Variants in PTPRK observed in about 807,000 individuals in gnomAD.
PTPRK encodes the protein protein tyrosine phosphatase receptor type K, also known as receptor-type tyrosine-protein phosphatase kappa.
Under a neutral mutation model 178.0 loss-of-function variants are expected in PTPRK, and 75 were observed. The ratio of observed to expected loss-of-function variants is 0.42; its 90% CI spans 0.35 to 0.51. PTPRK has a LOEUF of 0.51. Among genes scored for constraint, PTPRK ranks in the 20% least tolerant of loss-of-function variants. The pLI, the probability that PTPRK is intolerant of heterozygous loss-of-function variation, is 0.02. For missense variants in PTPRK, 1,441 were observed against 1,797.8 expected (o/e 0.80, Z 3.59); for synonymous variants, 637 against 620.6 (o/e 1.03, Z -0.39).
At chr6:128,419,385 G>A (rs1843198512) in intron 1 of PTPRK, among the ~76,000 whole-genome samples, 1 of 152,160 alleles carries the variant, frequency 6.6e-6, no homozygotes, top group African/African-American at 2.4e-5. Context: ...CACCAAGGCG[G>A]GCGGATCACG....
At chr6:128,441,953 C>T (rs1846340610) in intron 1 of PTPRK, among the ~76,000 whole-genome samples, 1 of 152,128 alleles carries the variant, frequency 6.6e-6, no homozygotes, top group Non-Finnish European at 1.5e-5. Context: ...ATGTAAATAA[C>T]AATCAAAACT....
intron 13 of PTPRK, among the ~76,000 whole-genome samples, chr6:128,037,214 G>A (rs2114820887): frequency 6.6e-6 from 1 of 152,252 alleles, no homozygotes; most frequent in African/African-American, 2.4e-5. Context: ...AGAAACAAGA[G>A]ACATTATATA....
At chr6:128,213,392 T>A (rs879914630) in intron 6 of PTPRK, among the ~76,000 whole-genome samples, 4 of 152,112 alleles carry the variant, frequency 2.6e-5, no homozygotes, top group African/African-American at 9.6e-5. Flanking sequence ...ATCCACTGGC[T>A]GCATGGGCTT....
chr6:128,053,263 A>T (rs1424615789), intron 13 of PTPRK, among the ~76,000 whole-genome samples: 1 of 151,624 alleles, frequency 6.6e-6, no homozygotes, highest in East Asian at 1.9e-4. Context: ...AATCTCTGCC[A>T]TCTCTGCTGT....
At chr6:128,046,261 A>T (rs1778016935) in intron 13 of PTPRK, among the ~76,000 whole-genome samples, 1 of 152,154 alleles carries the variant, frequency 6.6e-6, no homozygotes, top group South Asian at 2.1e-4. Context: ...AATCAGATTA[A>T]TTTTTGACAA....
intron 18 of PTPRK, among the ~76,000 whole-genome samples, chr6:127,993,709 T>C (rs1583552229): frequency 6.6e-6 from 1 of 151,518 alleles, no homozygotes; most frequent in African/African-American, 2.4e-5. Context: ...ATGGAAAAAT[T>C]TTTCCAAGCT....
At chr6:128,011,661 G>C (rs931399638) in intron 13 of PTPRK, among the ~76,000 whole-genome samples, 1 of 151,042 alleles carries the variant, frequency 6.6e-6, no homozygotes, top group Admixed American at 6.6e-5. Flanking sequence ...TAAAATAACA[G>C]AACTGACATG....
In PTPRK at chr6:128,096,603, C is replaced by T. The variant is rs998723630; in HGVS notation, c.1163-6611G>A. ...TCAGTCAGAGAAAAATAGAAGATGT[C>T]CCAAAGCTCGTGCCAAGGAAAAATA... On this transcript the variant is annotated intron_variant, in intron 7 of 29. Transcript: ENST00000368226. 7.2e-5 allele frequency among the ~76,000 whole-genome samples: 11 copies of T among 152,024 alleles called. 1 individual carries two copies. Among genetic ancestry groups the T allele is most frequent in the Admixed American group, 6.6e-4 (10 of 15,262 alleles).
intron 3 of PTPRK, among the ~76,000 whole-genome samples, chr6:128,259,768 T>C (rs1319047683): frequency 6.6e-6 from 1 of 152,184 alleles, no homozygotes; most frequent in African/African-American, 2.4e-5. Flanking sequence ...ATTCTAAGTA[T>C]ACTACCTTTC....
chr6:128,455,772 T>A (rs1848311963), intron 1 of PTPRK, among the ~76,000 whole-genome samples: 1 of 152,130 alleles, frequency 6.6e-6, no homozygotes, highest in South Asian at 2.1e-4. Context: ...AAGAACACAA[T>A]TTCTGGTGGT....
chr6:128,103,905 G>A (rs1188073555), intron 7 of PTPRK, among the ~76,000 whole-genome samples: 1 of 152,124 alleles, frequency 6.6e-6, no homozygotes, highest in Admixed American at 6.5e-5. Context: ...TGGAAGGCCA[G>A]GTCCTGCAGA....
rs1773702077 is a variant in PTPRK at position 127,969,696 on chromosome 6, G to GC, written c.*530dup. On this transcript the variant is annotated 3_prime_UTR_variant, in exon 30 of 30. Coordinates refer to ENST00000368226, the MANE Select transcript of PTPRK (RefSeq NM_002844.4). ...TCTAAAAAGAACTTTAAATGATCCA[G>GC]CCATCATTGCACATTAAAAGAAAAT... The GC allele has an allele frequency of 6.6e-6, 1 of 151,838 alleles. No homozygotes were observed. Among genetic ancestry groups the GC allele is most frequent in the African/African-American group, 2.4e-5 (1 of 41,348 alleles). The allele number at this position is 151,838 out of a possible 1,614,324, so 9.4% of individuals were successfully genotyped here. A position where few individuals can be genotyped will look rare whatever the true frequency, so the allele number is the denominator to read the frequency against.
intron 3 of PTPRK, among the ~76,000 whole-genome samples, chr6:128,297,084 G>A (rs1305517993): frequency 6.6e-6 from 1 of 151,420 alleles, no homozygotes; most frequent in African/African-American, 2.4e-5. Context: ...CCTAGTCTCG[G>A]ATAAAACAGA....
intron 7 of PTPRK, among the ~76,000 whole-genome samples, chr6:128,162,942 T>G (rs981330664): frequency 6.6e-6 from 1 of 151,624 alleles, no homozygotes; most frequent in Non-Finnish European, 1.5e-5. Context: ...TACTTATTTA[T>G]GTTTAATATG....
Position 128,416,485 on chromosome 6 carries a change from C to CA in PTPRK, c.101-18798dup, listed in dbSNP as rs538378758. 8.0e-3 allele frequency among the ~76,000 whole-genome samples: 1,127 copies of CA among 140,388 alleles called. 5 individuals carry two copies. Among genetic ancestry groups the CA allele is most frequent in the Non-Finnish European group, 0.011 (725 of 64,122 alleles). The allele number at this position is 140,388 out of a possible 152,430, so 92.1% of individuals were successfully genotyped here. A position where few individuals can be genotyped will look rare whatever the true frequency, so the allele number is the denominator to read the frequency against. ...TGAAACCCAGTCTCTACTAAAAATA[C>CA]AAAAAAAAAAAATTAGCCGGGTGTG... is the stretch of plus-strand genomic sequence containing the variant. On this transcript the variant is annotated intron_variant, in intron 1 of 29. Coordinates refer to ENST00000368226, the MANE Select transcript of PTPRK (RefSeq NM_002844.4).
chr6:128,373,797 T>C lies in PTPRK; in HGVS notation c.223+23769A>G, dbSNP rs1584413946. Among the ~76,000 whole-genome samples, 4 of 152,290 alleles carry C rather than the reference T, an allele frequency of 2.6e-5. No homozygotes were observed. The South Asian group carries it at 8.3e-4, about 32-fold the overall frequency. ...TCCAAATTTCTGTTTATGACACAAATCTTTGCCTGCCCATGAATACCCTTT... is the reference window on the plus strand; with the variant it reads ...TCCAAATTTCTGTTTATGACACAAACCTTTGCCTGCCCATGAATACCCTTT... On this transcript the variant is annotated intron_variant, in intron 2 of 29. Transcript: ENST00000368226.
chr6:128,200,906 AGG>A (rs1562779243), intron 6 of PTPRK, among the ~76,000 whole-genome samples: 2 of 26,090 alleles, frequency 7.7e-5, no homozygotes, highest in African/African-American at 1.7e-4. Context: ...GGAGGGAGGG[AGG>A]GAGGGAGGGA....
intron 3 of PTPRK, among the ~76,000 whole-genome samples, chr6:128,255,814 T>C (rs1817197492): frequency 6.6e-6 from 1 of 152,216 alleles, no homozygotes; most frequent in African/African-American, 2.4e-5. Context: ...CAGGCTAAAA[T>C]GTGAGAACCA....
chr6:128,263,940 T>G (rs1471259725), intron 3 of PTPRK, among the ~76,000 whole-genome samples: 1 of 152,180 alleles, frequency 6.6e-6, no homozygotes, highest in Non-Finnish European at 1.5e-5. Flanking sequence ...TGAACCACTT[T>G]GCTCCAGAAG....
Sources: gnomAD v4.1 joint callset for allele counts (sites outside exome capture counted in the v4.1 genomes callset) on GRCh38, gnomAD v4.1.1 for gene constraint, MANE v1.5 for transcripts, NCBI Gene and HGNC (gene_info 2026-07-23, HGNC 2026-07-21) for gene names.